The following RAB11FIP1 variants were observed in gnomAD, a reference collection of about 807,000 sequenced individuals.
RAB11FIP1 encodes the protein RAB11 family interacting protein 1.
Under a neutral mutation model 83.1 loss-of-function variants are expected in RAB11FIP1, and 49 were observed. The ratio of observed to expected loss-of-function variants is 0.59; its 90% confidence interval spans 0.47 to 0.75. RAB11FIP1 has a LOEUF of 0.75. Ranked by LOEUF, RAB11FIP1 falls within the 30% of genes least tolerant of loss-of-function variation. RAB11FIP1 has a pLI of 0.00. For missense variants in RAB11FIP1, 1,536 were observed against 1,598.7 expected, an observed-to-expected ratio of 0.96 and a Z score of 0.67; for synonymous variants, 670 against 656.0, an observed-to-expected ratio of 1.02 and a Z score of -0.33.
chr8:37,872,523 A>T lies in RAB11FIP1; in HGVS notation c.2279T>A (p.Val760Glu), dbSNP rs372167183. 8.0e-5 allele frequency: 129 copies of T among 1,613,990 alleles called. No homozygotes were observed. Among genetic ancestry groups the T allele is most frequent in the Non-Finnish European group, 1.1e-4 (126 of 1,180,026 alleles). Residue 760 changes from valine to glutamate, a missense_variant, in exon 4 of 6, where the codon GTG (valine) becomes GAG (glutamate). Val to Glu is a moderately radical substitution (Grantham distance 121, BLOSUM62 -2). Coordinates refer to ENST00000330843, the MANE Select transcript of RAB11FIP1 (RefSeq NM_001002814.3). Reference sequence around the variant, plus strand: ...AGCTGCATCCCTGGCTTTGCTCTCCACAAGAGACCCAGCCTGACTCTCCAA... The same window carrying T: ...AGCTGCATCCCTGGCTTTGCTCTCCTCAAGAGACCCAGCCTGACTCTCCAA... Reference protein sequence around the residue: ...RDLESQAGSLVESKARDAAEE... With the variant: ...RDLESQAGSLEESKARDAAEE...
rs1216331689 is a variant in RAB11FIP1, at chr8:37,872,532, C to G, written c.2270G>C (p.Gly757Ala). ...GGDRDLESQAGSLVESKARDA... is the reference protein window; with the variant it reads ...GGDRDLESQAASLVESKARDA... ...CCTGGCTTTGCTCTCCACAAGAGAC[C>G]CAGCCTGACTCTCCAAGTCTCTGTC... Residue 757 changes from glycine (G) to alanine (A), a missense_variant, in exon 4 of 6, where the codon GGG (glycine) becomes GCG (alanine). Gly to Ala is a moderately conservative substitution (Grantham distance 60). Coordinates refer to ENST00000330843, the MANE Select transcript of RAB11FIP1 (RefSeq NM_001002814.3). 1 of 1,614,060 alleles carries G rather than the reference C, an allele frequency of 6.2e-7. No individual in the cohort carries two copies. The highest frequency in any genetic ancestry group is 1.7e-5 in the Admixed American group (1 of 60,000).
chr8:37,869,614 A>T (rs1255209572), intron 5 of RAB11FIP1, among the ~76,000 whole-genome samples: 1 of 152,162 alleles, frequency 6.6e-6, no homozygotes, highest in Non-Finnish European at 1.5e-5. Context: ...AAGTTCCCTG[A>T]TTTTAATAAA....
intron 1 of RAB11FIP1, among the ~76,000 whole-genome samples, chr8:37,883,791 G>A (rs988982094): frequency 6.6e-6 from 1 of 152,084 alleles, no homozygotes; most frequent in Non-Finnish European, 1.5e-5. Context: ...TATCTTTCAC[G>A]TAGGCCCTGA....
At position 37,874,796 on chromosome 8, in the gene RAB11FIP1, A is replaced by G. The variant is rs758482917; in HGVS notation, c.1341T>C (p.Ala447=). ...GAGGGTTTTCACCTTCACTGCCCTTAGCCACATCCTTCTTCCCCGTCATCA... is the reference window on the plus strand; with the variant it reads ...GAGGGTTTTCACCTTCACTGCCCTTGGCCACATCCTTCTTCCCCGTCATCA... ...LSLMTGKKDV[A]KGSEGENPLT... Residue 447 remains alanine, a synonymous_variant, in exon 3 of 6, where the codon GCT becomes GCC. Coordinates refer to ENST00000330843, the MANE Select transcript of RAB11FIP1 (RefSeq NM_001002814.3). The G allele has an allele frequency of 6.2e-7, 1 of 1,614,074 alleles. No homozygotes were observed. The highest frequency in any genetic ancestry group is 1.7e-5 in the Admixed American group (1 of 60,010).
At position 37,872,662 on chromosome 8, in the gene RAB11FIP1, G is replaced by GT; in HGVS notation, c.2139dup (p.Gln714ThrfsTer22). 2.5e-6 allele frequency: 4 copies of GT among 1,614,186 alleles called. No individual in the cohort carries two copies. The highest frequency in any genetic ancestry group is 3.4e-6 in the Non-Finnish European group (4 of 1,180,022). On this transcript the variant is annotated frameshift_variant, in exon 4 of 6. Transcript: ENST00000330843. LOFTEE classifies it high-confidence loss of function. ...TCTCCAGATGATGGGCTGTAGTCTT[G>GT]TTTTTTGCAGGGGAATCTCGGAAGT...
chr8:37,867,803 G>A (rs1806372298), intron 5 of RAB11FIP1, among the ~76,000 whole-genome samples: 1 of 152,134 alleles, frequency 6.6e-6, no homozygotes, highest in Non-Finnish European at 1.5e-5. Flanking sequence ...GCAGCAAGAA[G>A]ATGCTGACTT....
chr8:37,888,750 C>A (rs1363752846), intron 1 of RAB11FIP1, among the ~76,000 whole-genome samples: 1 of 151,710 alleles, frequency 6.6e-6, no homozygotes, highest in Non-Finnish European at 1.5e-5. Context: ...CAGGAATGAG[C>A]CACCACTGCA....
chr8:37,871,106 G>T, intron 4 of RAB11FIP1, 172 bp downstream of exon 4: 1 of 719,124 alleles, frequency 1.4e-6, no homozygotes, highest in Non-Finnish European at 2.2e-6. Context: ...TGCTATAAAC[G>T]CAGCAGTGTC....
intron 5 of RAB11FIP1, among the ~76,000 whole-genome samples, chr8:37,866,657 G>T (rs1223678544): frequency 7.5e-6 from 1 of 133,482 alleles, no homozygotes; most frequent in African/African-American, 2.9e-5. Context: ...GGATGGAGGC[G>T]CTAAAACAAC....
intron 1 of RAB11FIP1, among the ~76,000 whole-genome samples, chr8:37,891,045 T>C (rs1044099360): frequency 6.6e-6 from 1 of 152,202 alleles, no homozygotes; most frequent in Non-Finnish European, 1.5e-5. Flanking sequence ...ACAACAGACA[T>C]GGTCCCTGTC....
At chr8:37,870,738 T>C in intron 4 of RAB11FIP1, 1 of 491,852 alleles carries the variant, frequency 2.0e-6, no homozygotes, top group Non-Finnish European at 3.6e-6. Flanking sequence ...CAGGAAAGCA[T>C]GTCCTTGTCC....
rs375647022 is a variant in RAB11FIP1 at position 37,899,388 on chromosome 8, G to A, written c.54C>T (p.Thr18=). The A allele has an allele frequency of 7.4e-5, 119 of 1,601,026 alleles. No homozygotes were observed. In the African/African-American group the frequency reaches 1.5e-3, roughly 20 times the overall value. The change falls in exon 1 of 6, where the codon ACC becomes ACT. Residue 18 remains threonine (T), a synonymous_variant. Transcript: ENST00000330843. The surrounding 1 kb of genome is among the most constrained non-coding windows in gnomAD (Gnocchi z 4.5). The part of the protein sequence containing the change: ...GRGLGAVWSP[T]HVQVTVLQAR... ...CCTGCAGCACCGTCACCTGCACGTG[G>A]GTTGGGGACCACACGGCCCCCAGGC...
At chr8:37,868,902 A>G (rs1362631899) in intron 5 of RAB11FIP1, among the ~76,000 whole-genome samples, 1 of 152,192 alleles carries the variant, frequency 6.6e-6, no homozygotes, top group Non-Finnish European at 1.5e-5. Flanking sequence ...TCCATATAGG[A>G]AATTGTTGAC....
intron 4 of RAB11FIP1, 23 bp from the exon 5 acceptor site, chr8:37,870,551 C>A: frequency 7.5e-7 from 1 of 1,326,818 alleles, no homozygotes; most frequent in South Asian, 1.2e-5. Context: ...GGAAAAGGAT[C>A]TTTAGACCCT....
intron 5 of RAB11FIP1, among the ~76,000 whole-genome samples, chr8:37,864,945 T>C (rs1050530318): frequency 3.4e-5 from 5 of 147,444 alleles, no homozygotes; most frequent in African/African-American, 1.3e-4. Context: ...TTTTTTTTTT[T>C]TTCCCCATAG....
rs990225805 is a variant in RAB11FIP1 at position 37,862,043 on chromosome 8, C to G, written c.*852G>C. ...TTCCACACCTGGAGAACTGTATTAG[C>G]GAGTGCGTGGACCACCCAATCCCCT... On this transcript the variant is annotated 3_prime_UTR_variant, in exon 6 of 6. Transcript: ENST00000330843. 1 of 158,800 alleles carries G rather than the reference C, an allele frequency of 6.3e-6. No individual in the cohort carries two copies. The highest frequency in any genetic ancestry group is 1.4e-5 in the Non-Finnish European group (1 of 71,724). 9.8% of individuals were successfully genotyped at this position (158,800 alleles called of 1,614,324 possible).
chr8:37,866,663 A>G (rs1216662268), intron 5 of RAB11FIP1, among the ~76,000 whole-genome samples: 2 of 111,958 alleles, frequency 1.8e-5, no homozygotes, highest in African/African-American at 3.7e-5. Flanking sequence ...AGGCGCTAAA[A>G]CAACAACCAA....
chr8:37,867,550 C>CA (rs770750760), intron 5 of RAB11FIP1, among the ~76,000 whole-genome samples: 1 of 151,902 alleles, frequency 6.6e-6, no homozygotes, highest in Non-Finnish European at 1.5e-5. Flanking sequence ...ATTAAAAATA[C>CA]AAAAAAATTA....
intron 1 of RAB11FIP1, among the ~76,000 whole-genome samples, chr8:37,888,247 C>T (rs2130184608): frequency 6.6e-6 from 1 of 152,124 alleles, no homozygotes; most frequent in Middle Eastern, 3.4e-3. Flanking sequence ...GCTGGGATTA[C>T]AGGCGCCCAC....
Sources: gnomAD v4.1 joint callset for allele counts (sites outside exome capture counted in the v4.1 genomes callset) on GRCh38, gnomAD v4.1.1 for gene constraint, Gnocchi (gnomAD v3.1) non-coding constraint, MANE v1.5 for transcripts, NCBI Gene and HGNC (gene_info 2026-07-23, HGNC 2026-07-21) for gene names.